MTF2: variants seen among roughly 807,000 people sequenced by gnomAD.
MTF2 encodes metal response element binding transcription factor 2.
Under a neutral mutation model 79.5 loss-of-function variants are expected in MTF2, and 11 were observed. The ratio of observed to expected loss-of-function variants is 0.14; its 90% CI spans 0.09 to 0.23. The LOEUF (loss-of-function observed/expected upper bound fraction) is 0.23, where lower values mean the gene tolerates loss of function less well. MTF2 is among the 10% of genes least tolerant of loss of function. The probability of loss-of-function intolerance (pLI) is 1.00; values close to 1 mark genes in which losing one functional copy is unlikely to be tolerated. For missense variants in MTF2, 486 were observed against 711.2 expected (o/e 0.68, Z 3.60); for synonymous variants, 208 against 232.8 (o/e 0.89, Z 0.97).
intron 6 of MTF2, among the ~76,000 whole-genome samples, chr1:93,117,804 A>G (rs1440431692): frequency 1.3e-5 from 2 of 152,070 alleles, no homozygotes; most frequent in Non-Finnish European, 2.9e-5. Flanking sequence ...AGGACAGAGG[A>G]TCACCTGGGC....
intron 1 of MTF2, among the ~76,000 whole-genome samples, chr1:93,104,375 T>C (rs1225485683): frequency 6.6e-6 from 1 of 152,146 alleles, no homozygotes; most frequent in Non-Finnish European, 1.5e-5. Flanking sequence ...GATTTGTGCT[T>C]AGAGACATTA....
chr1:93,119,041 A>C (rs767901090), intron 7 of MTF2, among the ~76,000 whole-genome samples: 4 of 152,244 alleles, frequency 2.6e-5, no homozygotes, highest in Non-Finnish European at 5.9e-5. Flanking sequence ...TTCCTGGCAC[A>C]CACAAGCGAT....
intron 4 of MTF2, 26 bp downstream of exon 4, chr1:93,114,809 G>A (rs2101064319): frequency 1.3e-6 from 2 of 1,521,882 alleles, no homozygotes; most frequent in East Asian, 4.5e-5. Flanking sequence ...TTTTAATCTT[G>A]TTACATACTG....
chr1:93,132,636 A>G (rs1407798981), intron 11 of MTF2, among the ~76,000 whole-genome samples: 2 of 152,134 alleles, frequency 1.3e-5, no homozygotes, highest in African/African-American at 4.8e-5. Flanking sequence ...GTCTGGTTCT[A>G]CTTTGTCCTT....
intron 1 of MTF2, among the ~76,000 whole-genome samples, chr1:93,098,179 T>C (rs1655375511): frequency 6.6e-6 from 1 of 152,172 alleles, no homozygotes; most frequent in South Asian, 2.1e-4. Context: ...CTTTGTGCCT[T>C]TACATATGTT....
At chr1:93,102,882 A>C (rs1655604152) in intron 1 of MTF2, among the ~76,000 whole-genome samples, 1 of 152,200 alleles carries the variant, frequency 6.6e-6, no homozygotes, top group Non-Finnish European at 1.5e-5. Context: ...CTGTAATCCC[A>C]GCACTTTGGA....
chr1:93,126,581 G>A (rs1308692242), intron 9 of MTF2, among the ~76,000 whole-genome samples: 1 of 151,780 alleles, frequency 6.6e-6, no homozygotes, highest in East Asian at 1.9e-4. Context: ...AGGCAGAAAG[G>A]TCTCTGAGAA....
rs1345592215 is a variant in MTF2 at position 93,079,348 on chromosome 1, G to A, written c.-179G>A. On this transcript the variant is annotated 5_prime_UTR_variant, in exon 1 of 15. Transcript: ENST00000370298. ...TGGGCTGTGTTTGAGGCCGGTGTAA[G>A]AACGCTCATTCTACCCCCAACCCTT... is the stretch of plus-strand genomic sequence containing the variant. 1.4e-6 allele frequency: 1 copy of A among 712,318 alleles called. No homozygotes were observed. The allele number at this position is 712,318 out of a possible 1,614,324, so 44.1% of individuals were successfully genotyped here.
rs1372831570 is a variant in MTF2 at position 93,110,638 on chromosome 1, T to G, written c.286+12T>G. 2 of 1,583,038 alleles carry G rather than the reference T, an allele frequency of 1.3e-6. No individual in the cohort carries two copies. Among genetic ancestry groups the G allele is most frequent in the East Asian group, 2.2e-5 (1 of 44,704 alleles). On this transcript the variant is annotated intron_variant, in intron 3 of 14. Transcript: ENST00000370298. ...GGACATTCAAACAGGCAGGTGCTAC[T>G]ATTTCTCTTGAACATGATTTAAATT...
chr1:93,127,345 A>C, intron 10 of MTF2, 46 bp downstream of exon 10: 1 of 1,194,270 alleles, frequency 8.4e-7, no homozygotes, highest in South Asian at 1.2e-5. Flanking sequence ...GACATTTAGT[A>C]AGTATAAGGA....
intron 8 of MTF2, chr1:93,119,693 AC>A (rs1571243532): frequency 3.8e-6 from 1 of 266,158 alleles, no homozygotes; most frequent in East Asian, 8.0e-5. Context: ...AGAATACCAT[AC>A]AGTAGAAGAG....
chr1:93,081,103 G>A (rs895472683), intron 1 of MTF2: 1 of 152,154 alleles, frequency 6.6e-6, no homozygotes, highest in African/African-American at 2.4e-5. Context: ...ATGTTAGTGG[G>A]TATTAACGGA....
At chr1:93,104,229 C>T in intron 1 of MTF2, among the ~76,000 whole-genome samples, 1 of 151,788 alleles carries the variant, frequency 6.6e-6, no homozygotes, top group Non-Finnish European at 1.5e-5. Context: ...TGTGAGCCAC[C>T]ATGCCTGGTA....
At position 93,137,040 on chromosome 1, in the gene MTF2, A is replaced by G; in HGVS notation, c.*13A>G. On this transcript the variant is annotated 3_prime_UTR_variant, in exon 15 of 15. Transcript: ENST00000370298. The stretch of plus-strand genomic sequence containing the variant: ...AACTGCATCCTGACTGTAGGACTGA[A>G]CATTATGTTCACTGCACTCTGATTT... 6.2e-7 allele frequency: 1 copy of G among 1,604,072 alleles called. No individual in the cohort carries two copies. The highest frequency in any genetic ancestry group is 8.5e-7 in the Non-Finnish European group (1 of 1,171,740).
Position 93,134,077 on chromosome 1 carries a change from T to G in MTF2, c.1320-14T>G, listed in dbSNP as rs532110622. ...TAATATAGTCGTTACACAATTTAAA[T>G]TCTTTTGTCTCAGGAGAACTGAGGG... On this transcript the variant is annotated splice_polypyrimidine_tract_variant and intron_variant, in intron 13 of 14. Transcript: ENST00000370298. 6.3e-7 allele frequency: 1 copy of G among 1,587,994 alleles called. No homozygotes were observed. The highest frequency in any genetic ancestry group is 1.4e-5 in the African/African-American group (1 of 73,826).
rs201586077 is a variant in MTF2 at position 93,133,908 on chromosome 1, T to A, written c.1267-20T>A. 2.6e-6 allele frequency: 4 copies of A among 1,551,942 alleles called. No homozygotes were observed. Among genetic ancestry groups the A allele is most frequent in the Non-Finnish European group, 3.5e-6 (4 of 1,129,708 alleles). ...GCTTACTTTAGAGACATGCTTTAAG[T>A]ATATATTTTTATTTTCCAGGATAAG... On this transcript the variant is annotated intron_variant, in intron 12 of 14. Coordinates refer to ENST00000370298, the MANE Select transcript of MTF2 (RefSeq NM_007358.4).
intron 11 of MTF2, among the ~76,000 whole-genome samples, chr1:93,130,592 T>A (rs991437230): frequency 6.6e-6 from 1 of 151,652 alleles, no homozygotes; most frequent in Non-Finnish European, 1.5e-5. Context: ...AAAAAAATAT[T>A]GTTTTGGATG....
intron 1 of MTF2, among the ~76,000 whole-genome samples, chr1:93,102,321 G>C (rs1224198690): frequency 6.6e-6 from 1 of 152,224 alleles, no homozygotes; most frequent in East Asian, 1.9e-4. Flanking sequence ...TTAATAGGCT[G>C]GGCGTGGTGG....
intron 7 of MTF2, 65 bp from the exon 8 acceptor site, chr1:93,119,268 C>A: frequency 9.0e-7 from 1 of 1,105,756 alleles, no homozygotes; most frequent in Admixed American, 2.5e-5. Context: ...TGAATATTAG[C>A]TATAATTGTT....
Sources: gnomAD v4.1 joint callset for allele counts (sites outside exome capture counted in the v4.1 genomes callset) on GRCh38, gnomAD v4.1.1 for gene constraint, MANE v1.5 for transcripts, NCBI Gene and HGNC (gene_info 2026-07-23, HGNC 2026-07-21) for gene names.